KCNU1: variants seen among roughly 807,000 people sequenced by gnomAD.
KCNU1 encodes potassium calcium-activated channel subfamily U member 1.
In KCNU1, 93 loss-of-function variants were observed where a neutral mutation model predicts 126.8. That is an observed-to-expected ratio of 0.73 (90% CI 0.62 to 0.87). The LOEUF is 0.87. Among genes scored for constraint, KCNU1 ranks in the 40% least tolerant of loss-of-function variants. The pLI is 0.00. For synonymous variants in KCNU1, 523 were observed against 494.2 expected (o/e 1.06, Z -0.77); for missense variants, 1,330 against 1,367.1 (o/e 0.97, Z 0.43).
At chr8:36,815,565 A>T (rs769109185) in intron 8 of KCNU1, 31 bp from the exon 9 acceptor site, 6 of 1,165,876 alleles carry the variant, frequency 5.1e-6, no homozygotes, top group Non-Finnish European at 7.5e-6. Flanking sequence ...AATAATGAGA[A>T]CTAAGGTTTT....
intron 19 of KCNU1, among the ~76,000 whole-genome samples, chr8:36,871,511 G>A (rs1806102605): frequency 6.6e-6 from 1 of 151,836 alleles, no homozygotes; most frequent in South Asian, 2.1e-4. Flanking sequence ...CTTAAAAATA[G>A]CAGAAAAATA....
intron 2 of KCNU1, among the ~76,000 whole-genome samples, chr8:36,802,065 C>A (rs1450869996): frequency 3.5e-5 from 5 of 141,314 alleles, no homozygotes; most frequent in African/African-American, 1.3e-4. Context: ...GCCGAGATTG[C>A]GCCACTGCAC....
At chr8:36,928,600 C>T (rs1585579170) in intron 24 of KCNU1, among the ~76,000 whole-genome samples, 1 of 152,268 alleles carries the variant, frequency 6.6e-6, no homozygotes, top group South Asian at 2.1e-4. Context: ...TTATTATCTT[C>T]TAATTCATAT....
intron 16 of KCNU1, 53 bp downstream of exon 16, chr8:36,841,056 T>C (rs1585443151): frequency 1.9e-6 from 2 of 1,071,888 alleles, no homozygotes; most frequent in East Asian, 4.0e-5. Flanking sequence ...TTTTTTTTTT[T>C]CCTGGAGATT....
chr8:36,907,667 A>T (rs557906052), intron 20 of KCNU1, among the ~76,000 whole-genome samples: 1 of 152,286 alleles, frequency 6.6e-6, no homozygotes, highest in South Asian at 2.1e-4. Context: ...GAAATGTCAG[A>T]TGTTACTTAT....
Position 36,840,867 on chromosome 8 carries a change from G to C in KCNU1, c.1632-65G>C, listed in dbSNP as rs1804924374. ...TTTCCTCCTAGGCACAGAGCACAGAGTGTTAGTTATTTTGTTGTTCACTGA... is the reference window on the plus strand; with the variant it reads ...TTTCCTCCTAGGCACAGAGCACAGACTGTTAGTTATTTTGTTGTTCACTGA... On this transcript the variant is annotated intron_variant, in intron 15 of 26. Transcript: ENST00000399881. 2.3e-5 allele frequency: 25 copies of C among 1,074,536 alleles called. No individual in the cohort carries two copies. In the East Asian group the frequency reaches 5.7e-4, roughly 24 times the overall value. 66.6% of individuals were successfully genotyped at this position (1,074,536 alleles called of 1,614,324 possible).
intron 19 of KCNU1, among the ~76,000 whole-genome samples, chr8:36,888,323 C>A (rs1806798072): frequency 6.6e-6 from 1 of 152,030 alleles, no homozygotes; most frequent in South Asian, 2.1e-4. Context: ...ATAGAAAATG[C>A]CTTGATTGGC....
At chr8:36,874,955 T>C (rs1806226608) in intron 19 of KCNU1, among the ~76,000 whole-genome samples, 1 of 152,006 alleles carries the variant, frequency 6.6e-6, no homozygotes, top group South Asian at 2.1e-4. Flanking sequence ...CCAGAGGGGT[T>C]CTAAGCCCAC....
intron 19 of KCNU1, among the ~76,000 whole-genome samples, chr8:36,898,471 A>G (rs1807285110): frequency 6.6e-6 from 1 of 151,920 alleles, no homozygotes. Context: ...CCTGAACTCA[A>G]TCCCATAAAA....
At position 36,841,020 on chromosome 8, in the gene KCNU1, T is replaced by A; in HGVS notation, c.1703+17T>A. 3 of 1,177,470 alleles carry A rather than the reference T, an allele frequency of 2.5e-6. No individual in the cohort carries two copies. Among genetic ancestry groups the A allele is most frequent in the South Asian group, 1.3e-5 (1 of 78,700 alleles). The allele number at this position is 1,177,470 out of a possible 1,614,324, so 72.9% of individuals were successfully genotyped here. The stretch of plus-strand genomic sequence containing the variant: ...TGGTTTCTGGTACCAATAAGTCTGC[T>A]CATCTCTTCAGTTGTTTTTTTTTTT... On this transcript the variant is annotated intron_variant, in intron 16 of 26. Transcript: ENST00000399881.
chr8:36,827,183 G>A (rs114290712), intron 10 of KCNU1, among the ~76,000 whole-genome samples: 1 of 152,128 alleles, frequency 6.6e-6, no homozygotes, highest in Non-Finnish European at 1.5e-5. Context: ...ACACAACAGG[G>A]CACTTCTGCC....
intron 22 of KCNU1, among the ~76,000 whole-genome samples, chr8:36,917,903 T>A (rs914039480): frequency 6.6e-6 from 1 of 152,074 alleles, no homozygotes; most frequent in Non-Finnish European, 1.5e-5. Flanking sequence ...GCTCAGGCTT[T>A]AAGAAACCCC....
chr8:36,934,153 T>A, intron 26 of KCNU1, among the ~76,000 whole-genome samples: 1 of 152,022 alleles, frequency 6.6e-6, no homozygotes, highest in East Asian at 1.9e-4. Flanking sequence ...GGTGGAACAA[T>A]GTTAGGAATT....
intron 10 of KCNU1, among the ~76,000 whole-genome samples, chr8:36,823,731 A>C (rs2130501819): frequency 6.6e-6 from 1 of 152,226 alleles, no homozygotes; most frequent in African/African-American, 2.4e-5. Flanking sequence ...TTGAGTGAGA[A>C]ATTTCTAAGA....
intron 1 of KCNU1, among the ~76,000 whole-genome samples, chr8:36,786,330 C>G (rs1802710969): frequency 6.6e-6 from 1 of 152,036 alleles, no homozygotes; most frequent in African/African-American, 2.4e-5. Context: ...AATGTCATAC[C>G]TAGGATTTTT....
intron 22 of KCNU1, among the ~76,000 whole-genome samples, chr8:36,916,634 A>G (rs1482958257): frequency 2.0e-5 from 3 of 152,230 alleles, no homozygotes; most frequent in East Asian, 1.9e-4. Context: ...GATCCCATCA[A>G]GAGTAAGAAT....
At chr8:36,816,218 G>GA in intron 9 of KCNU1, among the ~76,000 whole-genome samples, 1 of 152,284 alleles carries the variant, frequency 6.6e-6, no homozygotes, top group East Asian at 1.9e-4. Flanking sequence ...CCTCCTAGAT[G>GA]ACTGATTTTT....
intron 10 of KCNU1, among the ~76,000 whole-genome samples, chr8:36,822,543 C>T (rs1804168741): frequency 6.6e-6 from 1 of 152,138 alleles, no homozygotes; most frequent in Non-Finnish European, 1.5e-5. Context: ...ATAAATGATA[C>T]AGTATTACCA....
At chr8:36,790,471 T>C (rs1802864536) in intron 2 of KCNU1, among the ~76,000 whole-genome samples, 1 of 145,164 alleles carries the variant, frequency 6.9e-6, no homozygotes. Flanking sequence ...AGCTAGTCTA[T>C]AAAAAAGGAA....
Sources: gnomAD v4.1 joint callset for allele counts (sites outside exome capture counted in the v4.1 genomes callset) on GRCh38, gnomAD v4.1.1 for gene constraint, MANE v1.5 for transcripts, NCBI Gene and HGNC (gene_info 2026-07-23, HGNC 2026-07-21) for gene names.